The following CDH13 variants were observed in gnomAD, a reference collection of about 807,000 sequenced individuals.
CDH13 encodes cadherin-13.
CDH13 carries 24 observed loss-of-function variants against 63.8 expected under a neutral mutation model. That is an observed-to-expected ratio of 0.38 (90% CI 0.27 to 0.53). The LOEUF (loss-of-function observed/expected upper bound fraction) is 0.53. Ranked by LOEUF, CDH13 falls within the 20% of genes least tolerant of loss-of-function variation. CDH13 has a pLI of 0.85. For synonymous variants in CDH13, 503 were observed against 355.3 expected, an observed-to-expected ratio of 1.42 and a Z score of -4.67; for missense variants, 1,049 against 903.1, an observed-to-expected ratio of 1.16 and a Z score of -2.07.
intron 7 of CDH13, among the ~76,000 whole-genome samples, chr16:83,532,659 C>T (rs1424040202): frequency 6.6e-6 from 1 of 152,224 alleles, no homozygotes; most frequent in Non-Finnish European, 1.5e-5. Flanking sequence ...TCTTCCTCTG[C>T]AATCTCTGCA....
At chr16:83,004,874 C>T (rs1597392252) in intron 2 of CDH13, among the ~76,000 whole-genome samples, 1 of 152,170 alleles carries the variant, frequency 6.6e-6, no homozygotes, top group Non-Finnish European at 1.5e-5. Flanking sequence ...TTTGTGATTC[C>T]AAGTAGCATG....
intron 10 of CDH13, chr16:83,735,868 G>A (rs1374015766): frequency 6.6e-6 from 1 of 152,294 alleles, no homozygotes; most frequent in South Asian, 2.1e-4. Context: ...TGGAATACTG[G>A]GGTGATGAGC....
chr16:83,118,810 C>G (rs977777799), intron 3 of CDH13, among the ~76,000 whole-genome samples: 2 of 152,290 alleles, frequency 1.3e-5, no homozygotes, highest in Middle Eastern at 3.4e-3. Flanking sequence ...GGCCTCTTCT[C>G]TGAGGCTGAT....
At chr16:82,786,179 G>A (rs548846662) in intron 1 of CDH13, among the ~76,000 whole-genome samples, 12 of 152,284 alleles carry the variant, frequency 7.9e-5, no homozygotes, top group African/African-American at 2.4e-4. Flanking sequence ...GTTGCTTTAC[G>A]AGGAAGTTAA....
intron 7 of CDH13, among the ~76,000 whole-genome samples, chr16:83,542,139 A>G (rs1210770910): frequency 6.6e-6 from 1 of 152,228 alleles, no homozygotes; most frequent in Non-Finnish European, 1.5e-5. Context: ...CTGCATTTTA[A>G]CAAGACTCTC....
intron 3 of CDH13, among the ~76,000 whole-genome samples, chr16:83,108,230 G>A (rs13337231): frequency 0.1 from 15,313 of 152,100 alleles, 886 homozygotes; most frequent in African/African-American, 0.16. Context: ...CGTGCTTGTG[G>A]CAATGGAGGA....
chr16:83,110,508 G>A (rs1362736131), intron 3 of CDH13, among the ~76,000 whole-genome samples: 1 of 152,142 alleles, frequency 6.6e-6, no homozygotes, highest in Non-Finnish European at 1.5e-5. Flanking sequence ...TACTGGGCTG[G>A]CGAGCTGAGT....
At chr16:82,942,250 T>C (rs186756069) in intron 2 of CDH13, among the ~76,000 whole-genome samples, 85 of 152,308 alleles carry the variant, frequency 5.6e-4, no homozygotes, top group Middle Eastern at 3.4e-3. Flanking sequence ...TTTTTCCAGT[T>C]GCTGCCGCAA....
rs142730167 is a variant in CDH13 at position 83,701,288 on chromosome 16, T to G, written c.1538+22827T>G. Among the ~76,000 whole-genome samples the G allele has an allele frequency of 6.3e-3, 953 of 152,310 alleles. 13 individuals are homozygous for G. The highest frequency in any genetic ancestry group is 0.022 in the African/African-American group (912 of 41,556). On this transcript the variant is annotated intron_variant, in intron 10 of 13. Transcript: ENST00000567109. ...CAGAAAAAGCAAGAGGGCAGCCGAA[T>G]GGGGCCATCGGGTGGCTGCATAAAG...
At chr16:82,823,898 A>G (rs1160354113) in intron 1 of CDH13, 2 of 152,168 alleles carry the variant, frequency 1.3e-5, no homozygotes, top group Non-Finnish European at 1.5e-5. Flanking sequence ...TTCTCTTTCT[A>G]CTAAAAAGCC....
intron 4 of CDH13, among the ~76,000 whole-genome samples, chr16:83,138,482 C>T (rs1333579976): frequency 1.3e-5 from 2 of 152,172 alleles, no homozygotes; most frequent in Non-Finnish European, 2.9e-5. Context: ...GCTCTCCAGG[C>T]AGTGGGAAGA....
At chr16:83,373,494 G>A (rs751793767) in intron 6 of CDH13, among the ~76,000 whole-genome samples, 1 of 152,138 alleles carries the variant, frequency 6.6e-6, no homozygotes, top group South Asian at 2.1e-4. Flanking sequence ...AAAGAGTAAG[G>A]CATGATCTGA....
intron 7 of CDH13, among the ~76,000 whole-genome samples, chr16:83,542,432 G>C (rs945512472): frequency 5.9e-5 from 9 of 152,194 alleles, no homozygotes; most frequent in Non-Finnish European, 1.0e-4. Flanking sequence ...TCCCCACACT[G>C]CCTGATTCAG....
chr16:83,309,142 T>C (rs987999863), intron 5 of CDH13, among the ~76,000 whole-genome samples: 1 of 152,186 alleles, frequency 6.6e-6, no homozygotes, highest in Non-Finnish European at 1.5e-5. Flanking sequence ...TGCATGTACA[T>C]GAGCCTCATT....
intron 2 of CDH13, among the ~76,000 whole-genome samples, chr16:83,013,603 A>G (rs984821957): frequency 2.6e-5 from 4 of 152,234 alleles, no homozygotes; most frequent in Non-Finnish European, 4.4e-5. Flanking sequence ...CCATCTCACC[A>G]CAGAAAAGCA....
At position 82,863,946 on chromosome 16, in the gene CDH13, G is replaced by T. The variant is rs1052552838; in HGVS notation, c.157+5473G>T. On this transcript the variant is annotated intron_variant, in intron 2 of 13. Coordinates refer to ENST00000567109, the MANE Select transcript of CDH13 (RefSeq NM_001257.5). ...TTTAAAAGTAAGTAAATGAAGGGAG[G>T]GGAAAACACTACCGCCATTTACTTT... Among the ~76,000 whole-genome samples, 16 of 152,192 alleles carry T rather than the reference G, an allele frequency of 1.1e-4. No homozygotes were observed. The Middle Eastern group carries it at 0.014, about 129-fold the overall frequency.
intron 3 of CDH13, among the ~76,000 whole-genome samples, chr16:83,052,409 A>C (rs2030440209): frequency 6.6e-6 from 1 of 152,234 alleles, no homozygotes; most frequent in South Asian, 2.1e-4. Context: ...AACCACAATC[A>C]TGTTTTCATA....
At chr16:82,793,187 A>G (rs1183555929) in intron 1 of CDH13, among the ~76,000 whole-genome samples, 1 of 152,216 alleles carries the variant, frequency 6.6e-6, no homozygotes, top group African/African-American at 2.4e-5. Flanking sequence ...CAGTGAAGCC[A>G]TTGTGTCGCC....
rs368469110 is a variant in CDH13, at chr16:82,768,819, A to G, written c.46-89543A>G. 1.3e-5 allele frequency among the ~76,000 whole-genome samples: 2 copies of G among 152,320 alleles called. 1 individual carries two copies. On this transcript the variant is annotated intron_variant, in intron 1 of 13. Transcript: ENST00000567109. ...CCATCCTCGGTTAATACTTACTCTG[A>G]TTCAGCCTAGCAAAGAAGATCAGAA...
Sources: allele counts gnomAD v4.1 joint callset (sites outside exome capture counted in the v4.1 genomes callset), GRCh38; gene constraint gnomAD v4.1.1; transcripts MANE v1.5; gene names NCBI Gene and HGNC (gene_info 2026-07-23, HGNC 2026-07-21).